The following EPHA8 variants were observed in gnomAD, a reference collection of about 807,000 sequenced individuals.
EPHA8 encodes EPH receptor A8, also known as ephrin type-A receptor 8.
In EPHA8, 58 loss-of-function variants were observed where a neutral mutation model predicts 103.6. That is an observed-to-expected ratio of 0.56 (90% confidence interval 0.45 to 0.70). The LOEUF (loss-of-function observed/expected upper bound fraction) is 0.70. Among genes scored for constraint, EPHA8 ranks in the 30% least tolerant of loss-of-function variants. EPHA8 has a pLI of 0.00. For synonymous variants in EPHA8, 559 were observed against 572.5 expected, an observed-to-expected ratio of 0.98 and a Z score of 0.34; for missense variants, 1,304 against 1,395.2, an observed-to-expected ratio of 0.93 and a Z score of 1.04.
chr1:22,601,200 C>T, intron 15 of EPHA8, 100 bp from the exon 16 acceptor site: 5 of 1,528,968 alleles, frequency 3.3e-6, no homozygotes, highest in Non-Finnish European at 3.5e-6. Context: ...AGCCTGGGCC[C>T]CCGGCCCCTG....
rs902613029 is a variant in EPHA8, at chr1:22,563,655, G to C, written c.20G>C (p.Arg7Pro). 2.5e-4 allele frequency: 37 copies of C among 146,556 alleles called. No individual in the cohort carries two copies. Among genetic ancestry groups the C allele is most frequent in the African/African-American group, 8.8e-4 (36 of 40,718 alleles). 9.1% of individuals were successfully genotyped at this position (146,556 alleles called of 1,614,324 possible). A position where few individuals can be genotyped will look rare whatever the true frequency, so the allele number is the denominator to read the frequency against. Reference sequence around the variant, plus strand: ...CCGGCCATGGCCCCCGCCCGGGGCCGCCTGCCCCCTGCGCTCTGGGTCGTC... The same window carrying C: ...CCGGCCATGGCCCCCGCCCGGGGCCCCCTGCCCCCTGCGCTCTGGGTCGTC... MAPARG[R>P]LPPALWVVTA... Residue 7 changes from arginine to proline, a missense_variant, in exon 1 of 17, where the codon CGC becomes CCC. Arg to Pro is a moderately radical substitution (Grantham distance 103). Coordinates refer to ENST00000166244, the MANE Select transcript of EPHA8 (RefSeq NM_020526.5). This position sits in a 1 kb window ranked among gnomAD's most constrained non-coding sequence, Gnocchi z 4.4.
At chr1:22,578,212 G>A (rs1021296612) in intron 3 of EPHA8, among the ~76,000 whole-genome samples, 5 of 126,098 alleles carry the variant, frequency 4.0e-5, no homozygotes, top group African/African-American at 1.4e-4. Flanking sequence ...GCGAGTGTGT[G>A]CGTGTGAGTG....
At chr1:22,571,861 A>T (rs1033454572) in intron 2 of EPHA8, among the ~76,000 whole-genome samples, 9 of 151,880 alleles carry the variant, frequency 5.9e-5, no homozygotes, top group Admixed American at 2.6e-4. Flanking sequence ...ACATAGTGAG[A>T]CCCTTTCTCT....
chr1:22,600,950 C>T lies in EPHA8; in HGVS notation c.2591C>T (p.Pro864Leu). Residue 864 changes from proline to leucine, a missense_variant, in exon 15 of 17, where the codon CCC (proline) becomes CTC (leucine). Pro to Leu is a moderately conservative substitution (Grantham distance 98). Coordinates refer to ENST00000166244, the MANE Select transcript of EPHA8 (RefSeq NM_020526.5). ...CGCCTGCCCGCACCCATGGGCTGCC[C>T]CCACGCCCTGCACCAGCTCATGCTC... ...GYRLPAPMGCPHALHQLMLDC... is the reference protein window; with the variant it reads ...GYRLPAPMGCLHALHQLMLDC... The T allele has an allele frequency of 6.2e-7, 1 of 1,612,696 alleles. No homozygotes were observed. The highest frequency in any genetic ancestry group is 8.5e-7 in the Non-Finnish European group (1 of 1,179,704).
At chr1:22,575,567 TGGTTTATTTC>T (rs1220198778) in intron 2 of EPHA8, among the ~76,000 whole-genome samples, 1 of 152,210 alleles carries the variant, frequency 6.6e-6, no homozygotes, top group Non-Finnish European at 1.5e-5. Context: ...TGAGAGTGTC[TGGTTTATTTC>T]GGAATCACTG....
At chr1:22,570,288 A>G (rs1018008692) in intron 2 of EPHA8, among the ~76,000 whole-genome samples, 9 of 151,106 alleles carry the variant, frequency 6.0e-5, no homozygotes, top group Non-Finnish European at 8.8e-5. Flanking sequence ...GCACGCGCGT[A>G]CACACACATG....
intron 2 of EPHA8, among the ~76,000 whole-genome samples, chr1:22,570,275 CAT>C (rs559832816): frequency 7.9e-5 from 12 of 152,074 alleles, no homozygotes; most frequent in Admixed American, 3.9e-4. Context: ...TGTACACACA[CAT>C]GCACGCGCGT....
At chr1:22,584,060 C>G (rs963815784) in intron 3 of EPHA8, among the ~76,000 whole-genome samples, 1 of 152,340 alleles carries the variant, frequency 6.6e-6, no homozygotes, top group East Asian at 1.9e-4. Flanking sequence ...AGATGCTAAT[C>G]GTTGTGGATT....
At chr1:22,587,735 G>A (rs1465534322) in intron 4 of EPHA8, among the ~76,000 whole-genome samples, 1 of 152,110 alleles carries the variant, frequency 6.6e-6, no homozygotes, top group Non-Finnish European at 1.5e-5. Flanking sequence ...CCCATCTCCC[G>A]CTCCCATACA....
chr1:22,599,136 G>A (rs538117321), intron 13 of EPHA8, 89 bp downstream of exon 13: 26 of 1,419,738 alleles, frequency 1.8e-5, no homozygotes, highest in Non-Finnish European at 2.5e-5. Flanking sequence ...GCAAGTAGCT[G>A]AATGAAGTTG....
rs1640403475 is a variant in EPHA8, at chr1:22,567,576, G to A, written c.95-1713G>A. On this transcript the variant is annotated intron_variant, in intron 1 of 16. Coordinates refer to ENST00000166244, the MANE Select transcript of EPHA8 (RefSeq NM_020526.5). This position sits in a 1 kb window ranked among gnomAD's most constrained non-coding sequence, Gnocchi z 4.2. ...GCGCGGAGACCCCCTCCCTAGTTCT[G>A]CCAGCCTCACTCCAGCCGGCCTCCT... Among the ~76,000 whole-genome samples, 1 of 152,064 alleles carries A rather than the reference G, an allele frequency of 6.6e-6. No homozygotes were observed. Among genetic ancestry groups the A allele is most frequent in the African/African-American group, 2.4e-5 (1 of 41,412 alleles).
intron 3 of EPHA8, among the ~76,000 whole-genome samples, chr1:22,578,513 T>C (rs1334133026): frequency 7.4e-6 from 1 of 135,348 alleles, no homozygotes; most frequent in African/African-American, 2.7e-5. Context: ...TGCATTAGTG[T>C]ATTATGCATG....
At chr1:22,599,082 G>A in intron 13 of EPHA8, 35 bp downstream of exon 13, 1 of 1,559,626 alleles carries the variant, frequency 6.4e-7, no homozygotes, top group Non-Finnish European at 8.7e-7. Context: ...CTAGACTGGG[G>A]AGTGGGGAGA....
chr1:22,570,700 G>A (rs1056604009), intron 2 of EPHA8, among the ~76,000 whole-genome samples: 11 of 152,216 alleles, frequency 7.2e-5, no homozygotes, highest in Admixed American at 3.3e-4. Context: ...CTCATGCACC[G>A]GGCTCCCGGG....
intron 5 of EPHA8, among the ~76,000 whole-genome samples, chr1:22,591,424 T>G (rs1445388490): frequency 6.8e-6 from 1 of 147,012 alleles, no homozygotes; most frequent in Admixed American, 6.9e-5. Context: ...TCTCCCTATA[T>G]TTCCCAGGCT....
chr1:22,569,641 G>A lies in EPHA8; in HGVS notation c.159+288G>A, dbSNP rs1640466986. On this transcript the variant is annotated intron_variant, in intron 2 of 16. Transcript: ENST00000166244. The surrounding 1 kb of genome is among the most constrained non-coding windows in gnomAD (Gnocchi z 4.5). ...ATCCTACAGATTCATGAGGTGCCAGGCCAGGACTAAAGAAGGCCAGCCAGG... is the reference window on the plus strand; with the variant it reads ...ATCCTACAGATTCATGAGGTGCCAGACCAGGACTAAAGAAGGCCAGCCAGG... Among the ~76,000 whole-genome samples the A allele has an allele frequency of 6.6e-6, 1 of 152,128 alleles. No individual in the cohort carries two copies. Among genetic ancestry groups the A allele is most frequent in the African/African-American group, 2.4e-5 (1 of 41,426 alleles).
intron 2 of EPHA8, among the ~76,000 whole-genome samples, chr1:22,570,168 A>G (rs1640483892): frequency 6.6e-6 from 1 of 152,210 alleles, no homozygotes; most frequent in Non-Finnish European, 1.5e-5. Flanking sequence ...GATCATTAAC[A>G]TTGTTACTCA....
Position 22,588,914 on chromosome 1 carries a change from G to A in EPHA8, c.1023G>A (p.Gly341=), listed in dbSNP as rs141236377. The change falls in exon 5 of 17, where the codon GGG becomes GGA. Residue 341 remains glycine (G), a synonymous_variant. Transcript: ENST00000166244. ...TGAACCTGATCTCCAGTGTGAATGG[G>A]ACATCAGTGACTCTGGAGTGGGCCC... ...APVNLISSVN[G]TSVTLEWAPP... The A allele has an allele frequency of 1.2e-6, 2 of 1,607,438 alleles. No individual in the cohort carries two copies. Among genetic ancestry groups the A allele is most frequent in the African/African-American group, 1.3e-5 (1 of 74,930 alleles).
In EPHA8 at chr1:22,570,801, C is replaced by T. The variant is rs115447943; in HGVS notation, c.159+1448C>T. Among the ~76,000 whole-genome samples, 1,200 of 152,372 alleles carry T rather than the reference C, an allele frequency of 7.9e-3. 11 individuals carry two copies. Among genetic ancestry groups the T allele is most frequent in the African/African-American group, 0.027 (1,128 of 41,596 alleles). The stretch of plus-strand genomic sequence containing the variant: ...CTGACCCAGCACCACTGCCTGAGCG[C>T]GGACGCCAGGTTCTTGAGGTGTCCC... On this transcript the variant is annotated intron_variant, in intron 2 of 16. Transcript: ENST00000166244.
Sources: allele counts gnomAD v4.1 joint callset (sites outside exome capture counted in the v4.1 genomes callset), GRCh38; gene constraint gnomAD v4.1.1; non-coding constraint Gnocchi (gnomAD v3.1); transcripts MANE v1.5; gene names NCBI Gene and HGNC (gene_info 2026-07-23, HGNC 2026-07-21).